Variants in MED13L observed in about 807,000 individuals in gnomAD.
MED13L encodes the protein mediator complex subunit 13L.
MED13L carries 7 observed loss-of-function variants against 220.9 expected under a neutral mutation model. The observed-to-expected ratio is 0.03, with a 90% CI of 0.02 to 0.06. The LOEUF is 0.06. Ranked by LOEUF, MED13L falls within the 10% of genes least tolerant of loss-of-function variation. The probability of loss-of-function intolerance (pLI) is 1.00; values close to 1 mark genes in which losing one functional copy is unlikely to be tolerated. For synonymous variants in MED13L, 1,011 were observed against 1,015.2 expected (o/e 1.00, Z 0.08); for missense variants, 1,965 against 2,760.5 (o/e 0.71, Z 6.46).
At chr12:116,062,208 A>G (rs900054752) in intron 4 of MED13L, among the ~76,000 whole-genome samples, 1 of 151,812 alleles carries the variant, frequency 6.6e-6, no homozygotes, top group Non-Finnish European at 1.5e-5. Context: ...GCTGGAGTGC[A>G]GTGGAGCAAT....
At chr12:116,098,774 A>C (rs768595527) in intron 3 of MED13L, among the ~76,000 whole-genome samples, 1 of 149,376 alleles carries the variant, frequency 6.7e-6, no homozygotes, top group Non-Finnish European at 1.5e-5. Flanking sequence ...TTATAAGTTT[A>C]AAAAAAAATG....
intron 4 of MED13L, among the ~76,000 whole-genome samples, chr12:116,072,942 C>T (rs1328660406): frequency 1.3e-5 from 2 of 152,160 alleles, no homozygotes; most frequent in African/African-American, 4.8e-5. Flanking sequence ...ATTTGAAAGT[C>T]CACACTCGGA....
At chr12:115,996,885 T>C (rs1878441068) in intron 15 of MED13L, 125 bp downstream of exon 15, 1 of 1,150,588 alleles carries the variant, frequency 8.7e-7, no homozygotes. Flanking sequence ...CCTCATGTTC[T>C]AATTAAAAGG....
chr12:115,981,291 A>C (rs1260452629), intron 22 of MED13L, among the ~76,000 whole-genome samples: 3 of 152,176 alleles, frequency 2.0e-5, no homozygotes, highest in African/African-American at 7.2e-5. Context: ...ATAATTACAC[A>C]GTGTGTATGG....
rs112951411 is a variant in MED13L, at chr12:116,119,510, C to T, written c.311-7998G>A. Among the ~76,000 whole-genome samples the T allele has an allele frequency of 6.5e-3, 988 of 152,134 alleles. 9 individuals are homozygous for T. The highest frequency in any genetic ancestry group is 0.022 in the African/African-American group (927 of 41,492). On this transcript the variant is annotated intron_variant, in intron 2 of 30. Coordinates refer to ENST00000281928, the MANE Select transcript of MED13L (RefSeq NM_015335.5). ...TTGAAGCTAAGAACTCTGATGAATA[C>T]AGTTGATTCTAATCTCCATTTTATA...
At chr12:116,206,482 T>C (rs1221681024) in intron 2 of MED13L, among the ~76,000 whole-genome samples, 2 of 152,108 alleles carry the variant, frequency 1.3e-5, no homozygotes, top group Non-Finnish European at 2.9e-5. Flanking sequence ...TTTACACCAA[T>C]ACATTTAAGA....
chr12:116,071,697 A>G (rs922484371), intron 4 of MED13L, among the ~76,000 whole-genome samples: 1 of 152,230 alleles, frequency 6.6e-6, no homozygotes, highest in Non-Finnish European at 1.5e-5. Flanking sequence ...AACAAGCATT[A>G]CTTAAGAGGA....
At chr12:116,255,163 T>C (rs1056895616) in intron 1 of MED13L, among the ~76,000 whole-genome samples, 21 of 152,214 alleles carry the variant, frequency 1.4e-4, no homozygotes, top group Non-Finnish European at 3.1e-4. Context: ...GTAATCATCA[T>C]AGTGTAGTAC....
At chr12:116,153,426 T>A (rs1456841862) in intron 2 of MED13L, among the ~76,000 whole-genome samples, 1 of 152,146 alleles carries the variant, frequency 6.6e-6, no homozygotes, top group African/African-American at 2.4e-5. Context: ...CAAGTCTCTA[T>A]CCCACCACCA....
At position 116,153,001 on chromosome 12, in the gene MED13L, C is replaced by A. The variant is rs928018703; in HGVS notation, c.311-41489G>T. On this transcript the variant is annotated intron_variant, in intron 2 of 30. Transcript: ENST00000281928. ...ATCTGGAGTCCAGTCCCAGGTAGAA[C>A]ACGCCCAGGTAGGACATTTAAGAGC... Among the ~76,000 whole-genome samples the A allele has an allele frequency of 2.0e-5, 3 of 151,472 alleles. No individual in the cohort carries two copies. The East Asian group carries it at 5.8e-4, about 29-fold the overall frequency.
At chr12:116,109,676 T>G (rs74481859) in intron 3 of MED13L, among the ~76,000 whole-genome samples, 10,659 of 152,262 alleles carry the variant, frequency 0.07, 559 homozygotes, top group African/African-American at 0.13. Flanking sequence ...AACAGTAAGT[T>G]TTCCACATTT....
intron 2 of MED13L, among the ~76,000 whole-genome samples, chr12:116,114,084 T>C (rs1191082374): frequency 6.6e-6 from 1 of 152,170 alleles, no homozygotes; most frequent in Non-Finnish European, 1.5e-5. Context: ...TAAGTCTTCT[T>C]TGATCAAGTA....
chr12:115,972,449 T>C (rs1876653839), intron 25 of MED13L: 1 of 576,782 alleles, frequency 1.7e-6, no homozygotes, highest in Admixed American at 2.5e-5. Flanking sequence ...TACTATTCTG[T>C]GGCTGAAGTC....
At chr12:116,239,121 CAAAAAA>C (rs1160656853) in intron 1 of MED13L, among the ~76,000 whole-genome samples, 1 of 150,874 alleles carries the variant, frequency 6.6e-6, no homozygotes, top group South Asian at 2.1e-4. Context: ...GACTCTGTTT[CAAAAAA>C]CAAAAACAAA....
chr12:116,110,220 T>C (rs146321938), intron 3 of MED13L: 43 of 152,270 alleles, frequency 2.8e-4, no homozygotes, highest in Admixed American at 2.6e-3. Context: ...CAAAAGGACA[T>C]AGGAGCGAGC....
intron 14 of MED13L, 55 bp downstream of exon 14, chr12:116,002,948 A>T: frequency 7.6e-7 from 1 of 1,319,976 alleles, no homozygotes; most frequent in South Asian, 1.2e-5. Flanking sequence ...TGAGAATATT[A>T]TATCTAAGTT....
chr12:116,220,269 AT>A (rs1186417077), intron 2 of MED13L, among the ~76,000 whole-genome samples: 1 of 152,216 alleles, frequency 6.6e-6, no homozygotes, highest in Non-Finnish European at 1.5e-5. Context: ...CTGAATTACT[AT>A]TTAAATTAAT....
At chr12:116,250,047 A>AAAAAAAAAC (rs1871392276) in intron 1 of MED13L, among the ~76,000 whole-genome samples, 1 of 149,732 alleles carries the variant, frequency 6.7e-6, no homozygotes, top group African/African-American at 2.4e-5. Context: ...AAAAAAAAAA[A>AAAAAAAAAC]AACACACCAA....
chr12:116,031,808 G>GAA (rs1357641094), intron 4 of MED13L, among the ~76,000 whole-genome samples: 21 of 150,208 alleles, frequency 1.4e-4, no homozygotes, highest in Non-Finnish European at 1.9e-4. Context: ...AGGAAAGAAA[G>GAA]AGAGAAAGAA....
Sources: allele counts gnomAD v4.1 joint callset (sites outside exome capture counted in the v4.1 genomes callset), GRCh38; gene constraint gnomAD v4.1.1; transcripts MANE v1.5; gene names NCBI Gene and HGNC (gene_info 2026-07-23, HGNC 2026-07-21).